NFIC: variants seen among roughly 807,000 people sequenced by gnomAD.
The protein encoded by NFIC is nuclear factor I C, also known as nuclear factor 1 C-type.
NFIC carries 12 observed loss-of-function variants against 54.4 expected under a neutral mutation model. The ratio of observed to expected loss-of-function variants is 0.22; its 90% CI spans 0.14 to 0.36. The LOEUF is 0.36. NFIC is among the 10% of genes least tolerant of loss of function. The probability of loss-of-function intolerance (pLI) is 1.00; values close to 1 mark genes in which losing one functional copy is unlikely to be tolerated. For missense variants in NFIC, 575 were observed against 718.2 expected, an observed-to-expected ratio of 0.80 and a Z score of 2.28; for synonymous variants, 322 against 319.2, an observed-to-expected ratio of 1.01 and a Z score of -0.09.
intron 2 of NFIC, among the ~76,000 whole-genome samples, chr19:3,394,511 T>C (rs2081426240): frequency 5.3e-5 from 1 of 19,036 alleles, no homozygotes; most frequent in Admixed American, 6.0e-4. Context: ...TTTTATGATC[T>C]TTTCCCCACC....
At position 3,452,580 on chromosome 19, in the gene NFIC, C is replaced by G; in HGVS notation, c.1183C>G (p.Arg395Gly). The change falls in exon 8 of 11, where the codon CGC becomes GGC. Residue 395 changes from arginine (R) to glycine (G), a missense_variant. Transcript: ENST00000443272. The surrounding 1 kb of genome is among the most constrained non-coding windows in gnomAD (Gnocchi z 5.3). ...ASTYFPHTAIRYPPHLNPQDP... is the reference protein window; with the variant it reads ...ASTYFPHTAIGYPPHLNPQDP... ...CACCTACTTCCCCCACACGGCCATCCGCTACCCACCTCATCTCAACCCCCA... is the reference window on the plus strand; with the variant it reads ...CACCTACTTCCCCCACACGGCCATCGGCTACCCACCTCATCTCAACCCCCA... 1 of 1,613,902 alleles carries G rather than the reference C, an allele frequency of 6.2e-7. No homozygotes were observed. Among genetic ancestry groups the G allele is most frequent in the Non-Finnish European group, 8.5e-7 (1 of 1,180,002 alleles).
intron 6 of NFIC, 23 bp from the exon 7 acceptor site, chr19:3,448,991 C>T (rs1437412624): frequency 6.2e-7 from 1 of 1,606,606 alleles, no homozygotes; most frequent in Non-Finnish European, 8.5e-7. Context: ...GCCTGTGACT[C>T]TCTCGTCCCA....
chr19:3,362,301 T>C (rs769745062), upstream of NFIC, among the ~76,000 whole-genome samples: 4 of 152,078 alleles, frequency 2.6e-5, no homozygotes, highest in Non-Finnish European at 5.9e-5. Flanking sequence ...TTTGTGGTTG[T>C]GTCTGCACTT....
chr19:3,425,190 G>A lies in NFIC; in HGVS notation c.634+13G>A, dbSNP rs2082008783. On this transcript the variant is annotated intron_variant, in intron 3 of 10. Transcript: ENST00000443272. ...CCCATCACGCTGGGTGAGTCTGGGGGCAGCGTGGCGGTGAAGGGCGGAGGG... is the reference window on the plus strand; with the variant it reads ...CCCATCACGCTGGGTGAGTCTGGGGACAGCGTGGCGGTGAAGGGCGGAGGG... 6.2e-7 allele frequency: 1 copy of A among 1,607,504 alleles called. No individual in the cohort carries two copies. The highest frequency in any genetic ancestry group is 2.2e-5 in the East Asian group (1 of 44,760).
intron 1 of NFIC, among the ~76,000 whole-genome samples, chr19:3,367,629 G>A (rs1233963406): frequency 6.6e-6 from 1 of 151,560 alleles, no homozygotes; most frequent in Non-Finnish European, 1.5e-5. Flanking sequence ...CGGGGACCCC[G>A]AGGTCTGCAA....
chr19:3,360,530 GGCATCTGGGGGA>G (rs2080797219), intron 1 of NFIC, among the ~76,000 whole-genome samples: 1 of 152,016 alleles, frequency 6.6e-6, no homozygotes, highest in Non-Finnish European at 1.5e-5. Context: ...GGCCGGCATT[GGCATCTGGGGGA>G]GCGTCTGGGG....
At chr19:3,426,695 CT>C (rs926460416) in intron 3 of NFIC, among the ~76,000 whole-genome samples, 2 of 152,176 alleles carry the variant, frequency 1.3e-5, no homozygotes, top group African/African-American at 4.8e-5. Flanking sequence ...CCTCCTCCCT[CT>C]CTCCCCGTCG....
chr19:3,423,466 C>A (rs1049087390), intron 2 of NFIC, among the ~76,000 whole-genome samples: 2 of 151,188 alleles, frequency 1.3e-5, no homozygotes, highest in Non-Finnish European at 3.0e-5. Context: ...TCTCTTCCTG[C>A]GGCTTTCGAC....
intron 2 of NFIC, among the ~76,000 whole-genome samples, chr19:3,417,479 G>A (rs2081880081): frequency 1.3e-5 from 2 of 152,062 alleles, no homozygotes; most frequent in African/African-American, 4.8e-5. Flanking sequence ...GGGGTCTGGG[G>A]AATCTTGGGG....
chr19:3,413,512 G>C (rs548227488), intron 2 of NFIC, among the ~76,000 whole-genome samples: 1 of 152,212 alleles, frequency 6.6e-6, no homozygotes, highest in South Asian at 2.1e-4. Flanking sequence ...AGTTTCCCCA[G>C]CTGGCGATTA....
intron 2 of NFIC, among the ~76,000 whole-genome samples, chr19:3,416,393 G>A (rs1316400138): frequency 1.3e-5 from 2 of 149,444 alleles, no homozygotes; most frequent in Non-Finnish European, 3.0e-5. Context: ...TACCTATATG[G>A]CCTGTAGGTA....
Position 3,369,814 on chromosome 19 carries a change from G to A in NFIC, c.30+3148G>A, listed in dbSNP as rs947190257. 2.0e-5 allele frequency among the ~76,000 whole-genome samples: 3 copies of A among 152,324 alleles called. No homozygotes were observed. The highest frequency in any genetic ancestry group is 4.4e-5 in the Non-Finnish European group (3 of 68,026). On this transcript the variant is annotated intron_variant, in intron 1 of 10. Transcript: ENST00000443272. The surrounding 1 kb of genome is among the most constrained non-coding windows in gnomAD (Gnocchi z 4.3). ...CCGGGTTTGGGGCCAAGTCCCTCTT[G>A]GCCGCAGCGTGGCGGATTCCCCGAG...
At chr19:3,364,755 G>A (rs2080860158), upstream of NFIC, among the ~76,000 whole-genome samples, 1 of 152,190 alleles carries the variant, frequency 6.6e-6, no homozygotes. Context: ...GGTCTGTACA[G>A]GGGAGGGAGG....
chr19:3,422,099 G>T (rs557322269), intron 2 of NFIC, among the ~76,000 whole-genome samples: 109 of 152,176 alleles, frequency 7.2e-4, no homozygotes, highest in African/African-American at 2.5e-3. Context: ...ACCATGCCCG[G>T]CTAATTTTGT....
intron 2 of NFIC, among the ~76,000 whole-genome samples, chr19:3,387,303 G>A (rs1367035050): frequency 2.0e-5 from 3 of 152,138 alleles, no homozygotes; most frequent in African/African-American, 7.2e-5. Flanking sequence ...GGAGTTTGAG[G>A]CCAGCCTGGC....
Position 3,372,719 on chromosome 19 carries a change from G to GGT in NFIC, c.30+6053_30+6054insGT, listed in dbSNP as rs1555739465. Among the ~76,000 whole-genome samples, 47 of 149,054 alleles carry GGT rather than the reference G, an allele frequency of 3.2e-4. 3 individuals carry two copies. The highest frequency in any genetic ancestry group is 1.1e-3 in the African/African-American group (45 of 40,286). On this transcript the variant is annotated intron_variant, in intron 1 of 10. Transcript: ENST00000443272. ...AGGGGCCCAGGAGTGGGGTGGGGGG[G>GGT]TGCCAGGAGGCCCAGGGACCAGTCC...
At chr19:3,373,984 G>A (rs1053369866) in intron 1 of NFIC, among the ~76,000 whole-genome samples, 3 of 152,208 alleles carry the variant, frequency 2.0e-5, no homozygotes, top group African/African-American at 2.4e-5. Flanking sequence ...GGGGTTGTCC[G>A]TGGGACCATG....
At position 3,453,670 on chromosome 19, in the gene NFIC, C is replaced by T. The variant is rs546147707; in HGVS notation, c.1270-93C>T. 4.7e-5 allele frequency: 69 copies of T among 1,473,086 alleles called. No individual in the cohort carries two copies. Among genetic ancestry groups the T allele is most frequent in the Admixed American group, 1.2e-4 (4 of 33,958 alleles). 91.3% of individuals were successfully genotyped at this position (1,473,086 alleles called of 1,614,324 possible). A position where few individuals can be genotyped will look rare whatever the true frequency, so the allele number is the denominator to read the frequency against. On this transcript the variant is annotated intron_variant, in intron 8 of 10. Transcript: ENST00000443272. This position sits in a 1 kb window ranked among gnomAD's most constrained non-coding sequence, Gnocchi z 6.7. ...TGGCCCCCCAGCCTGCCACCCCGTC[C>T]GGGCCGTGCACAGAGCCGGGGGCGG...
chr19:3,363,216 T>G (rs2080832093), upstream of NFIC, among the ~76,000 whole-genome samples: 1 of 72,066 alleles, frequency 1.4e-5, no homozygotes, highest in Non-Finnish European at 3.0e-5. Flanking sequence ...AAAGGAGACA[T>G]ATGTATATGT....
Sources: gnomAD v4.1 joint callset for allele counts (sites outside exome capture counted in the v4.1 genomes callset) on GRCh38, gnomAD v4.1.1 for gene constraint, Gnocchi (gnomAD v3.1) non-coding constraint, MANE v1.5 for transcripts, NCBI Gene and HGNC (gene_info 2026-07-23, HGNC 2026-07-21) for gene names.